FBXO33: variants seen among roughly 807,000 people sequenced by gnomAD.
FBXO33 encodes the protein F-box protein 33.
In FBXO33, 22 loss-of-function variants were observed where a neutral mutation model predicts 46.3. The observed-to-expected ratio is 0.48, with a 90% CI of 0.34 to 0.68. The LOEUF (loss-of-function observed/expected upper bound fraction) is 0.68. Ranked by LOEUF, FBXO33 falls within the 30% of genes least tolerant of loss-of-function variation. The pLI is 0.01. For missense variants in FBXO33, 692 were observed against 708.8 expected, an observed-to-expected ratio of 0.98 and a Z score of 0.27; for synonymous variants, 337 against 291.3, an observed-to-expected ratio of 1.16 and a Z score of -1.60.
At chr14:39,411,518 T>TCC (rs1555425652) in intron 1 of FBXO33, among the ~76,000 whole-genome samples, 2 of 144,754 alleles carry the variant, frequency 1.4e-5, no homozygotes, top group Admixed American at 7.0e-5. Context: ...ATTATTTGAC[T>TCC]TCCCCCCCCT....
intron 1 of FBXO33, among the ~76,000 whole-genome samples, chr14:39,421,610 A>G (rs1454417170): frequency 6.6e-6 from 1 of 152,226 alleles, no homozygotes; most frequent in African/African-American, 2.4e-5. Context: ...CATAGTAAGG[A>G]AGACCACAAA....
At chr14:39,403,136 A>T (rs1256351079) in intron 1 of FBXO33, among the ~76,000 whole-genome samples, 1 of 152,192 alleles carries the variant, frequency 6.6e-6, no homozygotes, top group East Asian at 1.9e-4. Flanking sequence ...TTACAATATA[A>T]ACATGTCTCA....
At chr14:39,430,910 C>CCTCCTCCGCCCGA (rs1371167072) in intron 1 of FBXO33, among the ~76,000 whole-genome samples, 1 of 152,116 alleles carries the variant, frequency 6.6e-6, no homozygotes, top group Non-Finnish European at 1.5e-5. Context: ...TGCCCGCCCG[C>CCTCCTCCGCCCGA]CTCCTCCGCC....
intron 1 of FBXO33, among the ~76,000 whole-genome samples, chr14:39,421,921 T>C (rs1293398121): frequency 2.6e-5 from 4 of 152,206 alleles, no homozygotes; most frequent in Non-Finnish European, 5.9e-5. Context: ...ACATCATATC[T>C]AATTCTTTGT....
intron 1 of FBXO33, among the ~76,000 whole-genome samples, chr14:39,414,122 GT>G (rs2075436514): frequency 6.6e-6 from 1 of 152,188 alleles, no homozygotes; most frequent in Non-Finnish European, 1.5e-5. Flanking sequence ...AAAATCTGTT[GT>G]TTACTGTAAC....
intron 1 of FBXO33, among the ~76,000 whole-genome samples, chr14:39,410,492 T>C (rs2075417510): frequency 6.6e-6 from 1 of 152,214 alleles, no homozygotes; most frequent in South Asian, 2.1e-4. Context: ...AGTTTTATTG[T>C]TAGTGTCCTT....
chr14:39,403,509 G>A (rs1210613712), intron 1 of FBXO33, among the ~76,000 whole-genome samples: 1 of 152,164 alleles, frequency 6.6e-6, no homozygotes, highest in Non-Finnish European at 1.5e-5. Context: ...AGGTTGCAGT[G>A]AGCCAAGATC....
At chr14:39,404,358 GCT>G (rs2075382620) in intron 1 of FBXO33, among the ~76,000 whole-genome samples, 1 of 152,012 alleles carries the variant, frequency 6.6e-6, no homozygotes, top group South Asian at 2.1e-4. Context: ...ATGGAGTCTC[GCT>G]CTGTCGCCCA....
intron 1 of FBXO33, among the ~76,000 whole-genome samples, chr14:39,420,675 A>G (rs2075478626): frequency 6.6e-6 from 1 of 152,070 alleles, no homozygotes; most frequent in Admixed American, 6.6e-5. Flanking sequence ...TGGGGGACAG[A>G]GCGAAACTCT....
At chr14:39,414,753 C>T (rs2075439411) in intron 1 of FBXO33, among the ~76,000 whole-genome samples, 1 of 152,102 alleles carries the variant, frequency 6.6e-6, no homozygotes, top group African/African-American at 2.4e-5. Flanking sequence ...CTCTGATTTC[C>T]CAGGTTCAAG....
In FBXO33 at chr14:39,432,053, CGTCGCAGCTGCTGCA is replaced by C. The variant is rs1218509089; in HGVS notation, c.95_109del (p.Leu32_Arg36del). The C allele has an allele frequency of 1.6e-6, 2 of 1,276,520 alleles. No individual in the cohort carries two copies. The highest frequency in any genetic ancestry group is 8.1e-5 in the Admixed American group (2 of 24,650). The allele number at this position is 1,276,520 out of a possible 1,614,324, so 79.1% of individuals were successfully genotyped here. ...CAGTACCCGGAGCAGCCCCCGCAGC[CGTCGCAGCTGCTGCA>C]GCCGCAGCCGCCGCCACCGCGCCAC... is the stretch of plus-strand genomic sequence containing the variant. On this transcript the variant is annotated inframe_deletion, in exon 1 of 4. Coordinates refer to ENST00000298097, the MANE Select transcript of FBXO33 (RefSeq NM_203301.4).
Position 39,432,246 on chromosome 14 carries a change from C to G in FBXO33, c.-84G>C, listed in dbSNP as rs1299431211. 9.0e-7 allele frequency: 1 copy of G among 1,115,296 alleles called. No homozygotes were observed. The highest frequency in any genetic ancestry group is 1.6e-5 in the African/African-American group (1 of 60,648). The allele number at this position is 1,115,296 out of a possible 1,614,324, so 69.1% of individuals were successfully genotyped here. A position where few individuals can be genotyped will look rare whatever the true frequency, so the allele number is the denominator to read the frequency against. On this transcript the variant is annotated 5_prime_UTR_variant, in exon 1 of 4. Transcript: ENST00000298097. The stretch of plus-strand genomic sequence containing the variant: ...ACAAGTTGTGGAGAGGGGGAAAGGC[C>G]TCTGCGGGCGTGGCCTGCCGGGAGC...
intron 1 of FBXO33, among the ~76,000 whole-genome samples, chr14:39,419,914 A>G (rs371444236): frequency 2.4e-4 from 37 of 152,366 alleles, no homozygotes; most frequent in African/African-American, 7.9e-4. Context: ...GAAATATCAC[A>G]AAGTCATAAA....
intron 1 of FBXO33, among the ~76,000 whole-genome samples, chr14:39,420,504 G>A (rs1460803338): frequency 2.0e-5 from 3 of 152,114 alleles, no homozygotes; most frequent in East Asian, 1.9e-4. Context: ...TGGCTAACAC[G>A]GTGAAACCCC....
intron 1 of FBXO33, among the ~76,000 whole-genome samples, chr14:39,412,404 T>C (rs2075427761): frequency 6.6e-6 from 1 of 152,230 alleles, no homozygotes; most frequent in African/African-American, 2.4e-5. Flanking sequence ...GCATGGAGTA[T>C]CTTTTCTCAT....
At chr14:39,412,028 T>C (rs2075425609) in intron 1 of FBXO33, among the ~76,000 whole-genome samples, 1 of 152,212 alleles carries the variant, frequency 6.6e-6, no homozygotes, top group African/African-American at 2.4e-5. Flanking sequence ...AGAATGTGTA[T>C]TCTGCTGTTG....
rs2075562568 is a variant in FBXO33, at chr14:39,432,071, C to T, written c.92G>A (p.Arg31Gln). The T allele has an allele frequency of 1.6e-6, 2 of 1,243,790 alleles. No individual in the cohort carries two copies. The highest frequency in any genetic ancestry group is 2.0e-6 in the Non-Finnish European group (2 of 996,430). The allele number at this position is 1,243,790 out of a possible 1,614,324, so 77.0% of individuals were successfully genotyped here. ...CCGCAGCCGTCGCAGCTGCTGCAGC[C>T]GCAGCCGCCGCCACCGCGCCACCCG... ...AARVARWRRL[R>Q]LQQLRRLRGL... Residue 31 changes from arginine (R) to glutamine (Q), a missense_variant, in exon 1 of 4, where the codon CGG becomes CAG. Physicochemically the swap from Arg to Gln is conservative, Grantham distance 43. Coordinates refer to ENST00000298097, the MANE Select transcript of FBXO33 (RefSeq NM_203301.4).
rs1179624795 is a variant in FBXO33 at position 39,431,761 on chromosome 14, C to A, written c.402G>T (p.Trp134Cys). ...RLEFLMRKCGWFVRELRVEFA... is the reference protein window; with the variant it reads ...RLEFLMRKCGCFVRELRVEFA... ...ATTCAACACGCAGCTCTCGCACGAA[C>A]CAGCCGCACTTGCGCATGAGGAATT... is the stretch of plus-strand genomic sequence containing the variant. Residue 134 changes from tryptophan (W) to cysteine (C), a missense_variant, in exon 1 of 4, where the codon TGG becomes TGT. Physicochemically the swap from Trp to Cys is radical, Grantham distance 215. Transcript: ENST00000298097. 1.9e-6 allele frequency: 3 copies of A among 1,612,962 alleles called. No homozygotes were observed. Among genetic ancestry groups the A allele is most frequent in the Admixed American group, 1.7e-5 (1 of 60,034 alleles).
chr14:39,432,233 G>C lies in FBXO33; in HGVS notation c.-71C>G. On this transcript the variant is annotated 5_prime_UTR_variant, in exon 1 of 4. Transcript: ENST00000298097. ...AACCAAGTAGAACACAAGTTGTGGA[G>C]AGGGGGAAAGGCCTCTGCGGGCGTG... is the stretch of plus-strand genomic sequence containing the variant. 1 of 1,147,098 alleles carries C rather than the reference G, an allele frequency of 8.7e-7. No individual in the cohort carries two copies. The allele number at this position is 1,147,098 out of a possible 1,614,324, so 71.1% of individuals were successfully genotyped here.
Sources: gnomAD v4.1 joint callset for allele counts (sites outside exome capture counted in the v4.1 genomes callset) on GRCh38, gnomAD v4.1.1 for gene constraint, MANE v1.5 for transcripts, NCBI Gene and HGNC (gene_info 2026-07-23, HGNC 2026-07-21) for gene names.